Variants in ART3 observed in about 807,000 individuals in gnomAD.
ART3 encodes ecto-ADP-ribosyltransferase 3.
Under a neutral mutation model 48.5 loss-of-function variants are expected in ART3, and 49 were observed. The observed-to-expected ratio is 1.01, with a 90% CI of 0.80 to 1.28. The LOEUF is 1.28. ART3 is among the 50% of genes most tolerant of loss of function. The probability of loss-of-function intolerance (pLI) is 0.00; values close to 1 mark genes in which losing one functional copy is unlikely to be tolerated. For synonymous variants in ART3, 145 were observed against 157.2 expected, an observed-to-expected ratio of 0.92 and a Z score of 0.58; for missense variants, 438 against 454.3, an observed-to-expected ratio of 0.96 and a Z score of 0.33.
chr4:76,081,679 T>C (rs1722506481), intron 2 of ART3, 145 bp from the exon 3 acceptor site: 2 of 719,482 alleles, frequency 2.8e-6, no homozygotes, highest in Admixed American at 2.7e-5. Context: ...GGAATATACT[T>C]CCTGCATAAA....
At chr4:76,110,874 T>C (rs966682490) in intron 11 of ART3, among the ~76,000 whole-genome samples, 2 of 152,128 alleles carry the variant, frequency 1.3e-5, no homozygotes, top group Non-Finnish European at 2.9e-5. Context: ...CATGAATGCA[T>C]AAAATATATG....
At chr4:76,099,960 G>A (rs1477230446) in intron 5 of ART3, among the ~76,000 whole-genome samples, 2 of 152,174 alleles carry the variant, frequency 1.3e-5, no homozygotes, top group African/African-American at 4.8e-5. Context: ...TCTTTTTATT[G>A]TTCCGTTGCA....
intron 1 of ART3, among the ~76,000 whole-genome samples, chr4:76,046,480 A>G (rs1027265067): frequency 2.0e-5 from 3 of 151,978 alleles, no homozygotes; most frequent in African/African-American, 4.8e-5. Flanking sequence ...CTAAGCCTTG[A>G]GCTTTTAAAT....
At chr4:76,094,925 A>T (rs574801980) in intron 3 of ART3, among the ~76,000 whole-genome samples, 1 of 152,292 alleles carries the variant, frequency 6.6e-6, no homozygotes, top group Admixed American at 6.5e-5. Context: ...TTTTCTGGGA[A>T]TTTGTCCATT....
intron 1 of ART3, chr4:76,058,548 T>G (rs1193560405): frequency 6.6e-6 from 1 of 152,198 alleles, no homozygotes; most frequent in African/African-American, 2.4e-5. Flanking sequence ...TCACTGCTGA[T>G]TCATATGTTT....
chr4:76,034,582 T>C (rs1391882571), intron 1 of ART3: 2 of 583,880 alleles, frequency 3.4e-6, no homozygotes, highest in Middle Eastern at 4.5e-4. Flanking sequence ...GGAATTCTGA[T>C]TGTCATTCAT....
intron 1 of ART3, among the ~76,000 whole-genome samples, chr4:76,064,211 A>G (rs1235704413): frequency 6.6e-6 from 1 of 152,200 alleles, no homozygotes; most frequent in African/African-American, 2.4e-5. Flanking sequence ...AAATAGAAGC[A>G]CATTAGGTAC....
Position 76,045,087 on chromosome 4 carries a change from G to C in ART3, c.-9-30794G>C, listed in dbSNP as rs1735368294. On this transcript the variant is annotated intron_variant, in intron 1 of 9. Coordinates refer to the ART3 transcript ENST00000341029. Reference sequence around the variant, plus strand: ...GCTAACTGGGCACTGGTCCCTGGGGGAAGAGGCTTGCTTTCAAGTGTGGTT... The same window carrying C: ...GCTAACTGGGCACTGGTCCCTGGGGCAAGAGGCTTGCTTTCAAGTGTGGTT... 6.6e-5 allele frequency among the ~76,000 whole-genome samples: 10 copies of C among 152,240 alleles called. No individual in the cohort carries two copies. In the South Asian group the frequency reaches 1.9e-3, roughly 28 times the overall value.
rs1479736289 is a variant in ART3, at chr4:76,105,871, T to A, written c.1003+1242T>A. The A allele has an allele frequency of 4.1e-6, 4 of 985,218 alleles. No homozygotes were observed. The African/African-American group carries it at 7.0e-5, about 17-fold the overall frequency. The allele number at this position is 985,218 out of a possible 1,614,324, so 61.0% of individuals were successfully genotyped here. A position where few individuals can be genotyped will look rare whatever the true frequency, so the allele number is the denominator to read the frequency against. ...GTGAAGGAATCTGTAGACATAGAAATAGCATCATCCAAGAACTGTGAATGA... is the reference window on the plus strand; with the variant it reads ...GTGAAGGAATCTGTAGACATAGAAAAAGCATCATCCAAGAACTGTGAATGA... On this transcript the variant is annotated intron_variant, in intron 10 of 11. Transcript: ENST00000355810.
At chr4:76,109,674 G>A (rs1393641820) in intron 11 of ART3, among the ~76,000 whole-genome samples, 1 of 152,150 alleles carries the variant, frequency 6.6e-6, no homozygotes, top group Non-Finnish European at 1.5e-5. Flanking sequence ...CAACGGCAAC[G>A]ATGTTGCTAG....
chr4:76,104,403 A>C (rs1017321179), intron 9 of ART3, 194 bp from the exon 10 acceptor site: 11 of 985,446 alleles, frequency 1.1e-5, no homozygotes, highest in Non-Finnish European at 1.3e-5. Flanking sequence ...GTGCTATGGC[A>C]GAAGACTCCT....
chr4:76,085,050 C>T (rs1480870575), intron 3 of ART3, among the ~76,000 whole-genome samples: 4 of 152,212 alleles, frequency 2.6e-5, no homozygotes, highest in Non-Finnish European at 5.9e-5. Context: ...AGCAAAAGAA[C>T]AGCCCTGGAC....
At chr4:76,069,763 G>A (rs1305829719), upstream of ART3, among the ~76,000 whole-genome samples, 1 of 151,660 alleles carries the variant, frequency 6.6e-6, no homozygotes. Context: ...TTTACTAGTT[G>A]GTGGACATTT....
At chr4:76,107,585 C>T (rs1279890716) in intron 10 of ART3, 176 bp from the exon 11 acceptor site, 1 of 422,802 alleles carries the variant, frequency 2.4e-6, no homozygotes, top group Non-Finnish European at 4.3e-6. Context: ...TCAAAGAGCA[C>T]AGATGAGAAC....
At chr4:76,055,502 G>A (rs1718602832) in intron 1 of ART3, among the ~76,000 whole-genome samples, 1 of 152,144 alleles carries the variant, frequency 6.6e-6, no homozygotes, top group Non-Finnish European at 1.5e-5. Context: ...TAAGAAGCGG[G>A]GTCAGAGGAC....
chr4:76,102,152 G>A (rs1727480711), intron 8 of ART3, among the ~76,000 whole-genome samples: 1 of 152,198 alleles, frequency 6.6e-6, no homozygotes, highest in Admixed American at 6.5e-5. Flanking sequence ...TGGAAGCAAA[G>A]AACAGAGTAT....
intron 1 of ART3, among the ~76,000 whole-genome samples, chr4:76,029,900 T>C (rs1212001594): frequency 1.6e-5 from 2 of 128,472 alleles, no homozygotes; most frequent in African/African-American, 6.2e-5. Context: ...CTGCAGTTTT[T>C]TCTGCTAAAC....
chr4:76,105,941 T>C (rs964126509), intron 10 of ART3: 6 of 984,900 alleles, frequency 6.1e-6, no homozygotes, highest in Non-Finnish European at 6.0e-6. Flanking sequence ...TTCTGTGTGC[T>C]CCTCACCACA....
At position 76,035,971 on chromosome 4, in the gene ART3, A is replaced by G. The variant is rs1237703582; in HGVS notation, c.-10+24651A>G. ...CAATATCACAGCCAAGGCTATAGCC[A>G]TGCCCTTCACACTCATGTTTGTTTT... is the stretch of plus-strand genomic sequence containing the variant. On this transcript the variant is annotated intron_variant, in intron 1 of 9. Transcript: ENST00000341029. The G allele has an allele frequency of 4.3e-6, 7 of 1,613,866 alleles. No homozygotes were observed. The highest frequency in any genetic ancestry group is 4.2e-6 in the Non-Finnish European group (5 of 1,179,940).
Sources: allele counts gnomAD v4.1 joint callset (sites outside exome capture counted in the v4.1 genomes callset), GRCh38; gene constraint gnomAD v4.1.1; transcripts MANE v1.5; gene names NCBI Gene and HGNC (gene_info 2026-07-23, HGNC 2026-07-21).